EEPD1: variants seen among roughly 807,000 people sequenced by gnomAD.
The protein encoded by EEPD1 is endonuclease/exonuclease/phosphatase family domain containing 1.
Under a neutral mutation model 46.3 loss-of-function variants are expected in EEPD1, and 17 were observed. The observed-to-expected ratio is 0.37, with a 90% CI of 0.25 to 0.55. EEPD1 has a LOEUF of 0.55. EEPD1 is among the 20% of genes least tolerant of loss of function. The pLI, the probability that EEPD1 is intolerant of heterozygous loss-of-function variation, is 0.83. For missense variants in EEPD1, 673 were observed against 745.6 expected (o/e 0.90, Z 1.13); for synonymous variants, 313 against 315.6 (o/e 0.99, Z 0.09).
chr7:36,291,913 A>G (rs188729193), intron 6 of EEPD1, among the ~76,000 whole-genome samples: 2 of 152,296 alleles, frequency 1.3e-5, no homozygotes, highest in African/African-American at 4.8e-5. Context: ...TTCTTTCAGG[A>G]TTTCTACTCG....
chr7:36,154,157 G>A lies in EEPD1; in HGVS notation c.-168G>A. ...GGCGGCCAAGTGAAAGGTAATTTTG[G>A]ACACGCCAGGCATGGAAGATTCGGT... On this transcript the variant is annotated 5_prime_UTR_variant, in exon 2 of 8. Transcript: ENST00000242108. The surrounding 1 kb of genome is among the most constrained non-coding windows in gnomAD (Gnocchi z 4.2). The A allele has an allele frequency of 2.6e-6, 2 of 780,690 alleles. No individual in the cohort carries two copies. The highest frequency in any genetic ancestry group is 5.5e-5 in the East Asian group (2 of 36,670). 48.4% of individuals were successfully genotyped at this position (780,690 alleles called of 1,614,324 possible).
At chr7:36,261,597 A>G (rs979611576) in intron 3 of EEPD1, among the ~76,000 whole-genome samples, 3 of 152,148 alleles carry the variant, frequency 2.0e-5, no homozygotes, top group Admixed American at 2.0e-4. Flanking sequence ...CTTTCAATTC[A>G]CTTTTTTAGA....
chr7:36,252,617 C>T (rs1212412388), intron 3 of EEPD1, among the ~76,000 whole-genome samples: 3 of 121,618 alleles, frequency 2.5e-5, no homozygotes, highest in South Asian at 5.1e-4. Context: ...ATATAAGCGC[C>T]AGGGAAAATG....
chr7:36,271,894 C>A (rs959196661), intron 3 of EEPD1, among the ~76,000 whole-genome samples: 4 of 119,026 alleles, frequency 3.4e-5, no homozygotes, highest in Non-Finnish European at 5.4e-5. Context: ...GTATTCTATT[C>A]TATTCGAGAC....
intron 2 of EEPD1, among the ~76,000 whole-genome samples, chr7:36,196,496 C>T (rs141774837): frequency 0.11 from 16,586 of 152,198 alleles, 1,198 homozygotes; most frequent in Non-Finnish European, 0.17. Flanking sequence ...CATCTTGGCT[C>T]GCTGCAGCCT....
chr7:36,156,240 T>C (rs988592360), intron 2 of EEPD1, among the ~76,000 whole-genome samples: 3 of 152,176 alleles, frequency 2.0e-5, no homozygotes, highest in Non-Finnish European at 4.4e-5. Context: ...CAGTGCATGA[T>C]GGCAGATCAC....
At chr7:36,221,941 A>C (rs944491980) in intron 2 of EEPD1, among the ~76,000 whole-genome samples, 1 of 152,168 alleles carries the variant, frequency 6.6e-6, no homozygotes, top group Non-Finnish European at 1.5e-5. Context: ...CCACACATGT[A>C]CCTGTGCTCC....
At chr7:36,220,605 T>G (rs973666863) in intron 2 of EEPD1, among the ~76,000 whole-genome samples, 5 of 152,172 alleles carry the variant, frequency 3.3e-5, no homozygotes, top group African/African-American at 1.2e-4. Flanking sequence ...TTCTATTCAT[T>G]TGGCCCCGTT....
At chr7:36,197,695 TA>T (rs1785633737) in intron 2 of EEPD1, among the ~76,000 whole-genome samples, 1 of 152,218 alleles carries the variant, frequency 6.6e-6, no homozygotes, top group South Asian at 2.1e-4. Flanking sequence ...TGTGCTTTGT[TA>T]AACAGATGCT....
rs984029117 is a variant in EEPD1, at chr7:36,173,418, G to A, written c.878+18216G>A. ...GGAGGCTGAGGCAGGAGAATCACTT[G>A]AACCCAGGAGGTGGAGGTTGCAGTG... is the stretch of plus-strand genomic sequence containing the variant. On this transcript the variant is annotated intron_variant, in intron 2 of 7. Transcript: ENST00000242108. 4.0e-5 allele frequency among the ~76,000 whole-genome samples: 6 copies of A among 148,892 alleles called. 1 individual carries two copies. In the South Asian group the frequency reaches 6.5e-4, roughly 16 times the overall value.
chr7:36,171,016 G>C (rs939636810), intron 2 of EEPD1, among the ~76,000 whole-genome samples: 1 of 152,182 alleles, frequency 6.6e-6, no homozygotes, highest in African/African-American at 2.4e-5. Context: ...CAAACTCCGA[G>C]GCTCAAGCAA....
chr7:36,218,233 T>C (rs1786067126), intron 2 of EEPD1, among the ~76,000 whole-genome samples: 1 of 152,198 alleles, frequency 6.6e-6, no homozygotes, highest in African/African-American at 2.4e-5. Flanking sequence ...CCTCGGAGGT[T>C]ATCTTCCAAG....
chr7:36,297,312 T>A (rs996025488), intron 7 of EEPD1, 125 bp downstream of exon 7: 10 of 1,060,158 alleles, frequency 9.4e-6, no homozygotes, highest in Middle Eastern at 2.6e-4. Flanking sequence ...CGTGACTGTA[T>A]AACTGTCATT....
chr7:36,187,678 G>C (rs1344753645), intron 2 of EEPD1, among the ~76,000 whole-genome samples: 1 of 152,084 alleles, frequency 6.6e-6, no homozygotes, highest in Non-Finnish European at 1.5e-5. Flanking sequence ...CCACTTTTTG[G>C]TTATTGTGAA....
intron 3 of EEPD1, among the ~76,000 whole-genome samples, chr7:36,270,922 G>A (rs2115849154): frequency 6.6e-6 from 1 of 152,252 alleles, no homozygotes; most frequent in South Asian, 2.1e-4. Flanking sequence ...CTCCCACCAA[G>A]TGTAAAAGCG....
chr7:36,206,877 C>A (rs1238747148), intron 2 of EEPD1, among the ~76,000 whole-genome samples: 2 of 152,052 alleles, frequency 1.3e-5, no homozygotes, highest in African/African-American at 4.8e-5. Flanking sequence ...GGTGAAACAC[C>A]GTCTCTACCA....
chr7:36,154,479 C>T lies in EEPD1; in HGVS notation c.155C>T (p.Thr52Ile). 1 of 1,614,200 alleles carries T rather than the reference C, an allele frequency of 6.2e-7. No individual in the cohort carries two copies. The highest frequency in any genetic ancestry group is 8.5e-7 in the Non-Finnish European group (1 of 1,180,038). Reference protein sequence around the residue: ...INTATEEELMTLPGVTRAVAR... With the variant: ...INTATEEELMILPGVTRAVAR... ...ACTGCCACGGAGGAGGAGCTGATGA[C>T]CCTGCCTGGGGTGACGCGTGCCGTG... Residue 52 changes from threonine (T) to isoleucine (I), a missense_variant, in exon 2 of 8, where the codon ACC becomes ATC. Physicochemically the swap from Thr to Ile is moderately conservative, Grantham distance 89. Coordinates refer to ENST00000242108, the MANE Select transcript of EEPD1 (RefSeq NM_030636.3). This position sits in a 1 kb window ranked among gnomAD's most constrained non-coding sequence, Gnocchi z 4.2.
chr7:36,162,946 C>G (rs1209429049), intron 2 of EEPD1, among the ~76,000 whole-genome samples: 1 of 152,182 alleles, frequency 6.6e-6, no homozygotes, highest in Non-Finnish European at 1.5e-5. Flanking sequence ...CACCCCAAAA[C>G]TGGAGAATAA....
intron 2 of EEPD1, among the ~76,000 whole-genome samples, chr7:36,199,007 G>C (rs1427553293): frequency 6.6e-6 from 1 of 151,900 alleles, no homozygotes; most frequent in Non-Finnish European, 1.5e-5. Context: ...CCTTCTCTAA[G>C]GCAGAGCACC....
Sources: allele counts gnomAD v4.1 joint callset (sites outside exome capture counted in the v4.1 genomes callset), GRCh38; gene constraint gnomAD v4.1.1; non-coding constraint Gnocchi (gnomAD v3.1); transcripts MANE v1.5; gene names NCBI Gene and HGNC (gene_info 2026-07-23, HGNC 2026-07-21).